RABL3: variants seen among roughly 807,000 people sequenced by gnomAD.
RABL3 encodes the protein RAB, member of RAS oncogene family like 3.
A neutral mutation model predicts 31.8 loss-of-function variants in RABL3; 31 were observed. That is an observed-to-expected ratio of 0.97 (90% CI 0.73 to 1.31). The LOEUF (loss-of-function observed/expected upper bound fraction) is 1.31, where lower values mean the gene tolerates loss of function less well. Among genes scored for constraint, RABL3 ranks in the 40% most tolerant of loss-of-function variants. RABL3 has a pLI of 0.00. For synonymous variants in RABL3, 97 were observed against 99.9 expected (o/e 0.97, Z 0.18); for missense variants, 263 against 279.6 (o/e 0.94, Z 0.42).
intron 2 of RABL3, among the ~76,000 whole-genome samples, chr3:120,714,724 GTCCTT>G (rs1708648734): frequency 6.6e-6 from 1 of 151,930 alleles, no homozygotes; most frequent in Admixed American, 6.6e-5. Flanking sequence ...TCCTGTCTCA[GTCCTT>G]ATATTGCTAC....
intron 2 of RABL3, among the ~76,000 whole-genome samples, chr3:120,727,199 A>G (rs1255724479): frequency 1.3e-5 from 2 of 152,176 alleles, no homozygotes; most frequent in East Asian, 1.9e-4. Flanking sequence ...ACAAACATAC[A>G]ATAGAGAAAA....
intron 1 of RABL3, 152 bp downstream of exon 1, chr3:120,742,310 G>A: frequency 1.4e-6 from 1 of 714,552 alleles, no homozygotes; most frequent in Non-Finnish European, 2.4e-6. Context: ...GTCACACGGA[G>A]CAAAGTCCCC....
At chr3:120,715,904 T>C (rs1029032223) in intron 2 of RABL3, among the ~76,000 whole-genome samples, 5 of 152,198 alleles carry the variant, frequency 3.3e-5, no homozygotes. Context: ...GCTTCCACGC[T>C]AAATGAATAG....
At chr3:120,730,629 G>T in intron 2 of RABL3, 67 bp downstream of exon 2, 2 of 1,049,938 alleles carry the variant, frequency 1.9e-6, no homozygotes, top group South Asian at 1.3e-5. Context: ...ACTGTAATTT[G>T]ATCATGTAAT....
chr3:120,691,372 T>A (rs375031662), intron 6 of RABL3, among the ~76,000 whole-genome samples: 1 of 152,198 alleles, frequency 6.6e-6, no homozygotes, highest in East Asian at 1.9e-4. Flanking sequence ...TTTGACTTTA[T>A]GGTGGTGTGA....
At chr3:120,737,626 G>A (rs1708986369) in intron 1 of RABL3, among the ~76,000 whole-genome samples, 1 of 152,176 alleles carries the variant, frequency 6.6e-6, no homozygotes. Flanking sequence ...CAGCTTTTCT[G>A]CTCTGTTTTT....
At position 120,705,982 on chromosome 3, in the gene RABL3, A is replaced by AT; in HGVS notation, c.383+17dup. 7.2e-7 allele frequency: 1 copy of AT among 1,397,154 alleles called. No homozygotes were observed. The highest frequency in any genetic ancestry group is 2.3e-5 in the East Asian group (1 of 43,846). 86.5% of individuals were successfully genotyped at this position (1,397,154 alleles called of 1,614,324 possible). A position where few individuals can be genotyped will look rare whatever the true frequency, so the allele number is the denominator to read the frequency against. On this transcript the variant is annotated intron_variant, in intron 4 of 7. Coordinates refer to ENST00000273375, the MANE Select transcript of RABL3 (RefSeq NM_173825.5). ...GTGATTGCTACAATCTTTCAAACCA[A>AT]TTGTGAAATTGGCTCACCCATTTGT...
chr3:120,711,666 A>G, intron 2 of RABL3, among the ~76,000 whole-genome samples: 1 of 152,160 alleles, frequency 6.6e-6, no homozygotes, highest in East Asian at 1.9e-4. Flanking sequence ...ATAACTATTC[A>G]GAAACAAATT....
At chr3:120,720,731 G>A (rs1708729113) in intron 2 of RABL3, among the ~76,000 whole-genome samples, 2 of 152,188 alleles carry the variant, frequency 1.3e-5, no homozygotes, top group Admixed American at 1.3e-4. Context: ...AAAGTGACAG[G>A]GAGAATGGAA....
Position 120,709,830 on chromosome 3 carries a change from C to T in RABL3, c.218G>A (p.Ser73Asn), listed in dbSNP as rs1400772019. Residue 73 changes from serine (S) to asparagine (N), a missense_variant, in exon 3 of 8, where the codon AGT (serine) becomes AAT (asparagine). Transcript: ENST00000273375. Reference protein sequence around the residue: ...ELWDVGGSVGSASSVKSTRAV... With the variant: ...ELWDVGGSVGNASSVKSTRAV... ...TCTTGTGCTTTTCACGCTGCTGGCA[C>T]TGCCCACAGAGCCTCCAACATCCCA... The T allele has an allele frequency of 1.2e-6, 2 of 1,612,378 alleles. No individual in the cohort carries two copies. The highest frequency in any genetic ancestry group is 2.7e-5 in the African/African-American group (2 of 74,860).
chr3:120,720,407 A>G (rs1443615466), intron 2 of RABL3, among the ~76,000 whole-genome samples: 1 of 152,200 alleles, frequency 6.6e-6, no homozygotes, highest in Non-Finnish European at 1.5e-5. Context: ...AGGAAGTTCG[A>G]ACCCAAGGCA....
Position 120,689,743 on chromosome 3 carries a change from G to T in RABL3, c.*80C>A. 1 of 936,640 alleles carries T rather than the reference G, an allele frequency of 1.1e-6. No homozygotes were observed. The highest frequency in any genetic ancestry group is 1.7e-6 in the Non-Finnish European group (1 of 577,746). The allele number at this position is 936,640 out of a possible 1,614,324, so 58.0% of individuals were successfully genotyped here. On this transcript the variant is annotated 3_prime_UTR_variant, in exon 8 of 8. Coordinates refer to ENST00000273375, the MANE Select transcript of RABL3 (RefSeq NM_173825.5). ...TAAGATGATTTTGTTAAAAGGCTGT[G>T]ATGGTAATAATTGAACACAGCAAGA...
chr3:120,733,919 T>C (rs1251787443), intron 1 of RABL3, among the ~76,000 whole-genome samples: 1 of 152,204 alleles, frequency 6.6e-6, no homozygotes, highest in East Asian at 1.9e-4. Flanking sequence ...TATCTCTGTT[T>C]TGGTACCAGT....
intron 2 of RABL3, among the ~76,000 whole-genome samples, chr3:120,726,825 A>C (rs1708827367): frequency 1.3e-5 from 2 of 152,010 alleles, no homozygotes; most frequent in African/African-American, 4.8e-5. Flanking sequence ...CAAATTTCAA[A>C]GGATGAAAGC....
At chr3:120,711,011 C>T (rs1205039684) in intron 2 of RABL3, among the ~76,000 whole-genome samples, 1 of 152,092 alleles carries the variant, frequency 6.6e-6, no homozygotes, top group African/African-American at 2.4e-5. Flanking sequence ...GGTCAATTAA[C>T]AGTTTTCATT....
chr3:120,699,626 C>T (rs1708474259), intron 4 of RABL3, among the ~76,000 whole-genome samples: 1 of 151,988 alleles, frequency 6.6e-6, no homozygotes, highest in African/African-American at 2.4e-5. Flanking sequence ...TTTTTTTCTT[C>T]CTTTAACACT....
chr3:120,737,987 A>C (rs934827189), intron 1 of RABL3, among the ~76,000 whole-genome samples: 1 of 152,120 alleles, frequency 6.6e-6, no homozygotes. Flanking sequence ...GACCCACTTG[A>C]GGGGGCAATC....
At chr3:120,724,589 G>A (rs964360626) in intron 2 of RABL3, among the ~76,000 whole-genome samples, 5 of 152,296 alleles carry the variant, frequency 3.3e-5, no homozygotes, top group Non-Finnish European at 7.3e-5. Flanking sequence ...CATGGTACTG[G>A]TGCCAAAACA....
rs769252582 is a variant in RABL3 at position 120,689,879 on chromosome 3, A to G, written c.655T>C (p.Phe219Leu). 4 of 1,612,794 alleles carry G rather than the reference A, an allele frequency of 2.5e-6. No individual in the cohort carries two copies. In the Admixed American group the frequency reaches 6.7e-5, roughly 27 times the overall value. The change falls in exon 8 of 8, where the codon TTT becomes CTT. Residue 219 changes from phenylalanine (F) to leucine (L), a missense_variant. Physicochemically the swap from Phe to Leu is conservative, Grantham distance 22. Transcript: ENST00000273375. Reference protein sequence around the residue: ...FLREGNQIPGFPDRKRFGAGT... With the variant: ...FLREGNQIPGLPDRKRFGAGT... ...GCCCCAAATCTTTTCCGATCAGGAA[A>G]GCCTGGAATCTGTAGGCAAGAAAGA...
Sources: allele counts gnomAD v4.1 joint callset (sites outside exome capture counted in the v4.1 genomes callset), GRCh38; gene constraint gnomAD v4.1.1; transcripts MANE v1.5; gene names NCBI Gene and HGNC (gene_info 2026-07-23, HGNC 2026-07-21).